Variants in RAP1GDS1 observed in about 807,000 individuals in gnomAD.
RAP1GDS1 encodes the protein RAP1, GTP-GDP dissociation stimulator 1.
In RAP1GDS1, 35 loss-of-function variants were observed where a neutral mutation model predicts 71.1. The ratio of observed to expected loss-of-function variants is 0.49; its 90% CI spans 0.38 to 0.65. RAP1GDS1 has a LOEUF of 0.65. Among genes scored for constraint, RAP1GDS1 ranks in the 30% least tolerant of loss-of-function variants. RAP1GDS1 has a pLI of 0.00. For synonymous variants in RAP1GDS1, 229 were observed against 243.1 expected (o/e 0.94, Z 0.54); for missense variants, 663 against 706.1 (o/e 0.94, Z 0.69).
At chr4:98,265,699 A>G (rs917073969) in intron 1 of RAP1GDS1, among the ~76,000 whole-genome samples, 2 of 152,166 alleles carry the variant, frequency 1.3e-5, no homozygotes, top group Non-Finnish European at 1.5e-5. Flanking sequence ...TTCCGTAGTT[A>G]GGGAAAAAGG....
chr4:98,357,071 A>G (rs1738078288), intron 4 of RAP1GDS1, among the ~76,000 whole-genome samples: 1 of 151,990 alleles, frequency 6.6e-6, no homozygotes, highest in South Asian at 2.1e-4. Context: ...TTGGTCAGAA[A>G]AGTATATATT....
At chr4:98,373,561 AATATTTT>A in intron 4 of RAP1GDS1, among the ~76,000 whole-genome samples, 1 of 152,238 alleles carries the variant, frequency 6.6e-6, no homozygotes, top group African/African-American at 2.4e-5. Context: ...TAACTCTTAA[AATATTTT>A]TCTACCCTGT....
intron 1 of RAP1GDS1, among the ~76,000 whole-genome samples, chr4:98,265,415 G>A (rs1441345162): frequency 2.6e-5 from 4 of 152,112 alleles, no homozygotes; most frequent in African/African-American, 7.2e-5. Flanking sequence ...TAACAAGGAC[G>A]TTGTCATATT....
At chr4:98,437,497 G>A (rs9790573) in intron 14 of RAP1GDS1, among the ~76,000 whole-genome samples, 2 of 151,958 alleles carry the variant, frequency 1.3e-5, no homozygotes, top group African/African-American at 4.8e-5. Flanking sequence ...TATTAACTAA[G>A]GAATTTGTTT....
chr4:98,420,050 G>A lies in RAP1GDS1; in HGVS notation c.1206G>A (p.Gly402=), dbSNP rs758818964. ...ATAAAGCAAAGATGTTATCAGCTGG[G>A]GTCACAGAGGCAGTTTTGAAATTTC... ...VINKAKMLSA[G]VTEAVLKFLK... Residue 402 remains glycine, a synonymous_variant, in exon 11 of 15, where the codon GGG becomes GGA. Transcript: ENST00000408927. 2.4e-5 allele frequency: 39 copies of A among 1,605,580 alleles called. No individual in the cohort carries two copies. Among genetic ancestry groups the A allele is most frequent in the Non-Finnish European group, 3.1e-5 (37 of 1,175,738 alleles).
In RAP1GDS1 at chr4:98,317,846, C is replaced by T. The variant is rs540604841; in HGVS notation, c.112+24331C>T. ...TATATATTTTTTTTTCTTTTCTTCT[C>T]TTTTTTTTTTTTTGAGACAGAATCT... On this transcript the variant is annotated intron_variant, in intron 2 of 14. Coordinates refer to ENST00000408927, the MANE Select transcript of RAP1GDS1 (RefSeq NM_001100427.2). Among the ~76,000 whole-genome samples, 717 of 139,046 alleles carry T rather than the reference C, an allele frequency of 5.2e-3. 7 individuals carry two copies. Among genetic ancestry groups the T allele is most frequent in the South Asian group, 0.018 (77 of 4,384 alleles). The allele number at this position is 139,046 out of a possible 152,430, so 91.2% of individuals were successfully genotyped here. A position where few individuals can be genotyped will look rare whatever the true frequency, so the allele number is the denominator to read the frequency against.
intron 2 of RAP1GDS1, among the ~76,000 whole-genome samples, chr4:98,340,945 AAAT>A (rs1177672583): frequency 6.6e-6 from 1 of 152,078 alleles, no homozygotes; most frequent in Non-Finnish European, 1.5e-5. Flanking sequence ...CTAAGTGACT[AAAT>A]AATCTTTACA....
intron 5 of RAP1GDS1, among the ~76,000 whole-genome samples, chr4:98,389,522 G>A (rs574322937): frequency 1.6e-4 from 24 of 152,252 alleles, no homozygotes; most frequent in Admixed American, 1.2e-3. Context: ...TGGTATGTGT[G>A]TTGTATGTGA....
At chr4:98,392,738 T>G (rs959684300) in intron 6 of RAP1GDS1, among the ~76,000 whole-genome samples, 1 of 152,192 alleles carries the variant, frequency 6.6e-6, no homozygotes, top group Non-Finnish European at 1.5e-5. Flanking sequence ...TCATATAAAT[T>G]GCATTTTTCT....
At chr4:98,334,919 A>G (rs1217137893) in intron 2 of RAP1GDS1, among the ~76,000 whole-genome samples, 2 of 146,334 alleles carry the variant, frequency 1.4e-5, no homozygotes, top group Non-Finnish European at 3.0e-5. Flanking sequence ...AAAGTAAGCA[A>G]AAAAAAAAAA....
intron 12 of RAP1GDS1, among the ~76,000 whole-genome samples, chr4:98,426,975 A>G (rs773850481): frequency 5.8e-4 from 89 of 152,310 alleles, no homozygotes; most frequent in South Asian, 1.2e-3. Flanking sequence ...CCTTAACAAA[A>G]TACTAGCTAA....
intron 8 of RAP1GDS1, among the ~76,000 whole-genome samples, 170 bp downstream of exon 8, chr4:98,417,058 G>T (rs1470722345): frequency 1.3e-5 from 2 of 152,092 alleles, no homozygotes; most frequent in African/African-American, 4.8e-5. Context: ...CAGACATAAT[G>T]AACCTGAAAA....
At chr4:98,410,353 A>C (rs1180885255) in intron 7 of RAP1GDS1, among the ~76,000 whole-genome samples, 2 of 152,166 alleles carry the variant, frequency 1.3e-5, no homozygotes, top group African/African-American at 4.8e-5. Context: ...TAGGTAACAC[A>C]AAATAAAACC....
At position 98,337,984 on chromosome 4, in the gene RAP1GDS1, A is replaced by G. The variant is rs55634286; in HGVS notation, c.113-5155A>G. Among the ~76,000 whole-genome samples the G allele has an allele frequency of 5.0e-3, 755 of 152,286 alleles. 7 individuals are homozygous for G. The highest frequency in any genetic ancestry group is 0.018 in the South Asian group (86 of 4,824). ...TGCATTTTCAGAAGTTTATTCTTAT[A>G]CTATTGTAGATGAAAGATGCGGACA... On this transcript the variant is annotated intron_variant, in intron 2 of 14. Transcript: ENST00000408927.
In RAP1GDS1 at chr4:98,416,895, T is replaced by G. The variant is rs1348178567; in HGVS notation, c.907+7T>G. 1.9e-6 allele frequency: 3 copies of G among 1,610,328 alleles called. No individual in the cohort carries two copies. Among genetic ancestry groups the G allele is most frequent in the Non-Finnish European group, 2.5e-6 (3 of 1,178,786 alleles). On this transcript the variant is annotated splice_region_variant and intron_variant, in intron 8 of 14. Coordinates refer to ENST00000408927, the MANE Select transcript of RAP1GDS1 (RefSeq NM_001100427.2). ...GTTTTATTACTTCTTGGAGGTGAGTTGTAATTTATGCCAGCCAAAGAATGT... is the reference window on the plus strand; with the variant it reads ...GTTTTATTACTTCTTGGAGGTGAGTGGTAATTTATGCCAGCCAAAGAATGT...
intron 3 of RAP1GDS1, among the ~76,000 whole-genome samples, chr4:98,347,166 T>G (rs1379765217): frequency 6.6e-6 from 1 of 152,100 alleles, no homozygotes; most frequent in East Asian, 1.9e-4. Context: ...GTGGAGAAAG[T>G]AGATGTTAGG....
chr4:98,378,984 C>G, intron 4 of RAP1GDS1, 33 bp from the exon 5 acceptor site: 1 of 1,515,704 alleles, frequency 6.6e-7, no homozygotes, highest in Non-Finnish European at 8.9e-7. Context: ...TTTCTTTTTT[C>G]TTTTATTTTT....
intron 5 of RAP1GDS1, among the ~76,000 whole-genome samples, chr4:98,380,241 G>T (rs1373731625): frequency 2.0e-5 from 3 of 151,714 alleles, no homozygotes; most frequent in Non-Finnish European, 4.4e-5. Flanking sequence ...AGTTGTTTCT[G>T]TATGACGGTT....
chr4:98,363,478 C>CAAAAAAAAAAAAAA lies in RAP1GDS1; in HGVS notation c.361+10891_361+10904dup, dbSNP rs34393905. Among the ~76,000 whole-genome samples, 26 of 37,728 alleles carry CAAAAAAAAAAAAAA rather than the reference C, an allele frequency of 6.9e-4. 3 individuals are homozygous for CAAAAAAAAAAAAAA. Among genetic ancestry groups the CAAAAAAAAAAAAAA allele is most frequent in the South Asian group, 2.0e-3 (2 of 1,014 alleles). The allele number at this position is 37,728 out of a possible 152,430, so 24.8% of individuals were successfully genotyped here. ...CCTAAATAACAGTGAGACCCTGTCT[C>CAAAAAAAAAAAAAA]AAAAAAAAAAAAAAAAAAAAAAAAA... On this transcript the variant is annotated intron_variant, in intron 4 of 14. Coordinates refer to ENST00000408927, the MANE Select transcript of RAP1GDS1 (RefSeq NM_001100427.2).
Sources: gnomAD v4.1 joint callset for allele counts (sites outside exome capture counted in the v4.1 genomes callset) on GRCh38, gnomAD v4.1.1 for gene constraint, MANE v1.5 for transcripts, NCBI Gene and HGNC (gene_info 2026-07-23, HGNC 2026-07-21) for gene names.